Variants in KIZ observed in about 807,000 individuals in gnomAD.
KIZ encodes kizuna centrosomal protein.
In KIZ, 68 loss-of-function variants were observed where a neutral mutation model predicts 79.6. The observed-to-expected ratio is 0.85, with a 90% CI of 0.70 to 1.05. The LOEUF (loss-of-function observed/expected upper bound fraction) is 1.05, where lower values mean the gene tolerates loss of function less well. Among genes scored for constraint, KIZ ranks in the 50% least tolerant of loss-of-function variants. The pLI is 0.00. For missense variants in KIZ, 797 were observed against 800.4 expected (o/e 1.00, Z 0.05); for synonymous variants, 280 against 281.8 (o/e 0.99, Z 0.06).
chr20:21,211,827 G>A (rs1021620564), intron 7 of KIZ, among the ~76,000 whole-genome samples: 26 of 152,180 alleles, frequency 1.7e-4, no homozygotes, highest in African/African-American at 5.8e-4. Context: ...AGTGGCTCAC[G>A]CCTATAATCC....
At chr20:21,206,189 G>A (rs141266237) in intron 7 of KIZ, among the ~76,000 whole-genome samples, 1 of 152,192 alleles carries the variant, frequency 6.6e-6, no homozygotes, top group Non-Finnish European at 1.5e-5. Flanking sequence ...ATACTTTATA[G>A]TCATTCATGT....
intron 9 of KIZ, chr20:21,218,269 G>T (rs185232584): frequency 2.6e-5 from 4 of 152,122 alleles, no homozygotes; most frequent in African/African-American, 9.6e-5. Context: ...AGATCTCATT[G>T]GTCAAGGCCC....
At chr20:21,240,785 C>G (rs1434630671) in intron 11 of KIZ, among the ~76,000 whole-genome samples, 2 of 152,210 alleles carry the variant, frequency 1.3e-5, no homozygotes, top group Non-Finnish European at 2.9e-5. Flanking sequence ...TTTCGTGACA[C>G]CTGAAAGGTA....
intron 7 of KIZ, among the ~76,000 whole-genome samples, chr20:21,209,365 T>C (rs1212176672): frequency 6.6e-6 from 1 of 152,202 alleles, no homozygotes; most frequent in African/African-American, 2.4e-5. Context: ...ATATTACTTT[T>C]CTCCCAAGTG....
chr20:21,165,885 G>A (rs2033907007), intron 6 of KIZ, among the ~76,000 whole-genome samples: 1 of 152,166 alleles, frequency 6.6e-6, no homozygotes, highest in Non-Finnish European at 1.5e-5. Flanking sequence ...TGCAACCTTT[G>A]CCTCCTGGGT....
At chr20:21,154,842 A>G (rs2033296506) in intron 4 of KIZ, among the ~76,000 whole-genome samples, 1 of 152,232 alleles carries the variant, frequency 6.6e-6, no homozygotes, top group Non-Finnish European at 1.5e-5. Flanking sequence ...AGCTAATAAA[A>G]TGACAGACTT....
At chr20:21,150,072 G>T (rs185863022) in intron 4 of KIZ, among the ~76,000 whole-genome samples, 104 of 152,292 alleles carry the variant, frequency 6.8e-4, no homozygotes, top group South Asian at 6.0e-3. Flanking sequence ...ACTGTGTAGG[G>T]CATGCCTCAG....
intron 3 of KIZ, among the ~76,000 whole-genome samples, chr20:21,138,189 T>C (rs2076500632): frequency 6.6e-6 from 1 of 152,260 alleles, no homozygotes; most frequent in Non-Finnish European, 1.5e-5. Context: ...TATTGATTAT[T>C]GTGCCTTTTT....
intron 3 of KIZ, among the ~76,000 whole-genome samples, chr20:21,137,326 A>G (rs905945338): frequency 1.2e-4 from 19 of 152,036 alleles, no homozygotes; most frequent in Non-Finnish European, 2.6e-4. Flanking sequence ...TCCACAAATT[A>G]TGCCAAGTGT....
At chr20:21,136,223 TTCTC>T (rs1203172009) in intron 2 of KIZ, among the ~76,000 whole-genome samples, 163 bp from the exon 3 acceptor site, 1 of 152,134 alleles carries the variant, frequency 6.6e-6, no homozygotes, top group Admixed American at 6.5e-5. Context: ...TGCATTAACT[TTCTC>T]TCTCCAAAAA....
chr20:21,222,615 A>T (rs368213453), intron 9 of KIZ, among the ~76,000 whole-genome samples: 103 of 152,344 alleles, frequency 6.8e-4, no homozygotes, highest in Middle Eastern at 3.4e-3. Flanking sequence ...GCATTCTCTC[A>T]CAGTTCTGAG....
chr20:21,131,290 C>T (rs1475617190), intron 1 of KIZ, among the ~76,000 whole-genome samples: 1 of 152,208 alleles, frequency 6.6e-6, no homozygotes, highest in African/African-American at 2.4e-5. Context: ...TAGCACTCAC[C>T]TGAACAGCAC....
intron 9 of KIZ, among the ~76,000 whole-genome samples, chr20:21,222,720 T>G (rs1282246314): frequency 2.0e-5 from 3 of 152,204 alleles, no homozygotes; most frequent in Non-Finnish European, 4.4e-5. Flanking sequence ...GCCCTGTCTC[T>G]GCCTCTGTCT....
intron 2 of KIZ, among the ~76,000 whole-genome samples, chr20:21,134,134 A>T (rs1028101683): frequency 3.9e-5 from 6 of 152,168 alleles, no homozygotes; most frequent in Non-Finnish European, 5.9e-5. Flanking sequence ...GGTAGAAAAA[A>T]GGTCGGGCCA....
rs188952833 is a variant in KIZ, at chr20:21,166,426, T to C, written c.1352+3267T>C. ...GTGAGGTTCACAACAATTTCCCAGC[T>C]CTGTGGTCATCAATGATTTCAAATT... On this transcript the variant is annotated intron_variant, in intron 6 of 12. Transcript: ENST00000619189. The C allele has an allele frequency of 2.9e-5, 47 of 1,593,436 alleles. No individual in the cohort carries two copies. In the East Asian group the frequency reaches 9.6e-4, roughly 33 times the overall value.
In KIZ at chr20:21,145,598, T is replaced by C. The variant is rs2122506749; in HGVS notation, c.349T>C (p.Cys117Arg). 1.3e-6 allele frequency: 2 copies of C among 1,526,846 alleles called. No homozygotes were observed. The highest frequency in any genetic ancestry group is 2.5e-5 in the South Asian group (2 of 81,238). The allele number at this position is 1,526,846 out of a possible 1,614,324, so 94.6% of individuals were successfully genotyped here. Reference sequence around the variant, plus strand: ...TGAGACTCAAATTAAGAAGATGCTATGCTCAAAAGATAGCCTGGGACTAAA... The same window carrying C: ...TGAGACTCAAATTAAGAAGATGCTACGCTCAAAAGATAGCCTGGGACTAAA... ...EYETQIKKML[C>R]SKDSLGLKEE... Residue 117 changes from cysteine to arginine, a missense_variant, in exon 4 of 13, where the codon TGC becomes CGC. By Grantham distance (180) the Cys-to-Arg change is radical (BLOSUM62 -3). Transcript: ENST00000619189.
chr20:21,179,075 G>A (rs903412390), intron 6 of KIZ, among the ~76,000 whole-genome samples: 5 of 151,832 alleles, frequency 3.3e-5, no homozygotes, highest in Admixed American at 6.6e-5. Flanking sequence ...AGGGTAATGC[G>A]GGCCTAATAA....
At chr20:21,171,313 A>G (rs187973938) in intron 6 of KIZ, among the ~76,000 whole-genome samples, 1 of 152,256 alleles carries the variant, frequency 6.6e-6, no homozygotes, top group Admixed American at 6.5e-5. Flanking sequence ...AGCTCTTTCT[A>G]CATTTTGGAT....
At chr20:21,241,451 T>A (rs1357900706) in intron 11 of KIZ, among the ~76,000 whole-genome samples, 4 of 152,248 alleles carry the variant, frequency 2.6e-5, no homozygotes, top group Admixed American at 2.6e-4. Context: ...GAAACATGTT[T>A]CCTGTGAGAA....
Sources: gnomAD v4.1 joint callset for allele counts (sites outside exome capture counted in the v4.1 genomes callset) on GRCh38, gnomAD v4.1.1 for gene constraint, MANE v1.5 for transcripts, NCBI Gene and HGNC (gene_info 2026-07-23, HGNC 2026-07-21) for gene names.